The following ZNF654 variants were observed in gnomAD, a reference collection of about 807,000 sequenced individuals.
The protein encoded by ZNF654 is melanoma-associated antigen.
A neutral mutation model predicts 95.3 loss-of-function variants in ZNF654; 19 were observed. That is an observed-to-expected ratio of 0.20 (90% CI 0.14 to 0.29). ZNF654 has a LOEUF of 0.29. Ranked by LOEUF, ZNF654 falls within the 10% of genes least tolerant of loss-of-function variation. The pLI, the probability that ZNF654 is intolerant of heterozygous loss-of-function variation, is 1.00. For missense variants in ZNF654, 1,046 were observed against 1,341.0 expected (o/e 0.78, Z 3.44); for synonymous variants, 413 against 457.9 (o/e 0.90, Z 1.25).
At chr3:88,137,194 CAAAAAAAAAAA>C (rs11401199) in intron 7 of ZNF654, among the ~76,000 whole-genome samples, 5 of 70,724 alleles carry the variant, frequency 7.1e-5, no homozygotes, top group African/African-American at 1.3e-4. Context: ...GACTCTGTCT[CAAAAAAAAAAA>C]AAAAAAAAAA....
intron 1 of ZNF654, 145 bp downstream of exon 1, chr3:88,059,650 C>A: frequency 8.0e-7 from 1 of 1,256,504 alleles, no homozygotes; most frequent in Non-Finnish European, 1.0e-6. Context: ...CCCTCCTCCA[C>A]TTATCCGGCT....
chr3:88,109,305 A>G (rs1704946284), intron 2 of ZNF654, among the ~76,000 whole-genome samples: 1 of 152,126 alleles, frequency 6.6e-6, no homozygotes, highest in Non-Finnish European at 1.5e-5. Flanking sequence ...GCTCTTTGTT[A>G]CTAAGTAGGA....
At chr3:88,128,767 C>A (rs1274911121) in intron 4 of ZNF654, 42 bp from the exon 5 acceptor site, 1 of 1,373,212 alleles carries the variant, frequency 7.3e-7, no homozygotes, top group Non-Finnish European at 9.8e-7. Flanking sequence ...TTGAGAGAAT[C>A]TTTTCTTGAG....
At chr3:88,098,558 T>A (rs1241077944) in intron 2 of ZNF654, among the ~76,000 whole-genome samples, 1 of 152,178 alleles carries the variant, frequency 6.6e-6, no homozygotes, top group Non-Finnish European at 1.5e-5. Flanking sequence ...ATACCCTTGA[T>A]GAACATTGAT....
intron 4 of ZNF654, among the ~76,000 whole-genome samples, chr3:88,127,539 G>A (rs1466532011): frequency 6.6e-6 from 1 of 152,150 alleles, no homozygotes; most frequent in Non-Finnish European, 1.5e-5. Flanking sequence ...GAAGGCAAGG[G>A]TGACAGACTA....
rs1707153751 is a variant in ZNF654, at chr3:88,141,953, A to G, written c.*301A>G. 3 of 250,510 alleles carry G rather than the reference A, an allele frequency of 1.2e-5. No homozygotes were observed. Among genetic ancestry groups the G allele is most frequent in the African/African-American group, 2.2e-5 (1 of 44,882 alleles). The allele number at this position is 250,510 out of a possible 1,614,324, so 15.5% of individuals were successfully genotyped here. On this transcript the variant is annotated 3_prime_UTR_variant, in exon 9 of 9. Transcript: ENST00000636215. ...CTTATATGAGAAACATGTTTAGGCA[A>G]CTAGTCAGAAAACCAGCTATGGCCT...
Position 88,059,446 on chromosome 3 carries a change from G to T in ZNF654, c.127G>T (p.Gly43Cys), listed in dbSNP as rs747122309. ...CGACGGCAGAGGCGGCGCTGGCAGC[G>T]GCAACTGCGGCGGCGGCGTCGGAAT... ...AGDGRGGAGS[G>C]NCGGGVGISS... is the part of the protein sequence containing the mutation. Residue 43 changes from glycine to cysteine, a missense_variant, in exon 1 of 9, where the codon GGC (glycine) becomes TGC (cysteine). By Grantham distance (159) the Gly-to-Cys change is radical. Coordinates refer to ENST00000636215, the MANE Select transcript of ZNF654 (RefSeq NM_001350134.2). 1.3e-6 allele frequency: 2 copies of T among 1,520,842 alleles called. No individual in the cohort carries two copies. Among genetic ancestry groups the T allele is most frequent in the Non-Finnish European group, 1.8e-6 (2 of 1,141,752 alleles). The allele number at this position is 1,520,842 out of a possible 1,614,324, so 94.2% of individuals were successfully genotyped here.
At position 88,073,511 on chromosome 3, in the gene ZNF654, G is replaced by A. The variant is rs1576206346; in HGVS notation, c.187-12746G>A. ...GAAGTATCCCAGAAAAGGAATTGAG[G>A]GCCTGGCTGAATAAGTGGCTGGAAC... On this transcript the variant is annotated intron_variant, in intron 1 of 8. Transcript: ENST00000636215. Among the ~76,000 whole-genome samples the A allele has an allele frequency of 3.3e-5, 5 of 152,016 alleles. No homozygotes were observed. In the East Asian group the frequency reaches 9.6e-4, roughly 29 times the overall value.
chr3:88,087,405 G>A (rs1206989721), intron 2 of ZNF654, among the ~76,000 whole-genome samples: 5 of 152,292 alleles, frequency 3.3e-5, no homozygotes, highest in South Asian at 2.1e-4. Context: ...AATGCTTATA[G>A]AGAACTTCAA....
At position 88,138,876 on chromosome 3, in the gene ZNF654, C is replaced by A; in HGVS notation, c.1207C>A (p.Arg403Ser). 1.6e-6 allele frequency: 2 copies of A among 1,231,994 alleles called. No homozygotes were observed. Among genetic ancestry groups the A allele is most frequent in the Non-Finnish European group, 2.0e-6 (2 of 987,922 alleles). The allele number at this position is 1,231,994 out of a possible 1,614,324, so 76.3% of individuals were successfully genotyped here. The change falls in exon 8 of 9, where the codon CGC becomes AGC. Residue 403 changes from arginine to serine, a missense_variant. Arg to Ser is a moderately radical substitution (Grantham distance 110). Coordinates refer to ENST00000636215, the MANE Select transcript of ZNF654 (RefSeq NM_001350134.2). Reference sequence around the variant, plus strand: ...TGCACTCTCAATATTTTTTCTGGAGCGCTCCTTAGAAGCGTATCGTACTGT... The same window carrying A: ...TGCACTCTCAATATTTTTTCTGGAGAGCTCCTTAGAAGCGTATCGTACTGT... ...ICALSIFFLE[R>S]SLEAYRTVEE...
Position 88,140,137 on chromosome 3 carries a change from A to G in ZNF654, c.2468A>G (p.Asn823Ser), listed in dbSNP as rs1367962313. 6.2e-7 allele frequency: 1 copy of G among 1,613,912 alleles called. No homozygotes were observed. Among genetic ancestry groups the G allele is most frequent in the South Asian group, 1.1e-5 (1 of 91,078 alleles). Reference sequence around the variant, plus strand: ...TATTTTTGTTTGCATTTTAATTGCAACGAGTCGTTTAAGCTGCCGTTCCAG... The same window carrying G: ...TATTTTTGTTTGCATTTTAATTGCAGCGAGTCGTTTAAGCTGCCGTTCCAG... ...NVYFCLHFNC[N>S]ESFKLPFQLA... The change falls in exon 8 of 9, where the codon AAC becomes AGC. Residue 823 changes from asparagine to serine, a missense_variant. Asn to Ser is a conservative substitution (Grantham distance 46, BLOSUM62 1). Around this residue, in one of 9 missense-constraint regions of ZNF654, gnomAD observed 495 missense variants for 537.0 expected, o/e 0.92. Transcript: ENST00000636215.
intron 1 of ZNF654, among the ~76,000 whole-genome samples, chr3:88,071,518 C>T (rs1201149314): frequency 1.3e-5 from 2 of 152,138 alleles, no homozygotes; most frequent in African/African-American, 2.4e-5. Context: ...CGGTAGCGGG[C>T]GCCTGTAGTC....
intron 1 of ZNF654, among the ~76,000 whole-genome samples, chr3:88,066,734 G>A (rs1707222296): frequency 1.3e-5 from 2 of 152,048 alleles, no homozygotes; most frequent in South Asian, 4.1e-4. Flanking sequence ...TGTTGTTACT[G>A]GCACTGAATT....
At chr3:88,088,027 CA>C (rs1708428436) in intron 2 of ZNF654, among the ~76,000 whole-genome samples, 1 of 152,154 alleles carries the variant, frequency 6.6e-6, no homozygotes, top group African/African-American at 2.4e-5. Flanking sequence ...CTACAAAATC[CA>C]AAACCTGAAA....
chr3:88,101,030 A>G (rs924045417), intron 2 of ZNF654, among the ~76,000 whole-genome samples: 5 of 152,212 alleles, frequency 3.3e-5, no homozygotes, highest in African/African-American at 1.2e-4. Context: ...ACTATCACCT[A>G]GCTTCAACAG....
At chr3:88,106,296 C>T (rs1170165983) in intron 2 of ZNF654, among the ~76,000 whole-genome samples, 36 of 151,916 alleles carry the variant, frequency 2.4e-4, no homozygotes, top group Non-Finnish European at 4.9e-4. Context: ...GATGTTAAGC[C>T]CTTCCTGTGC....
intron 2 of ZNF654, among the ~76,000 whole-genome samples, chr3:88,091,549 T>C (rs530253103): frequency 6.6e-6 from 1 of 152,308 alleles, no homozygotes; most frequent in African/African-American, 2.4e-5. Flanking sequence ...GTTTAAAATG[T>C]CATTTATTGA....
rs189968787 is a variant in ZNF654 at position 88,116,386 on chromosome 3, G to A, written c.414+3190G>A. Among the ~76,000 whole-genome samples, 6 of 151,988 alleles carry A rather than the reference G, an allele frequency of 3.9e-5. No homozygotes were observed. In the East Asian group the frequency reaches 9.7e-4, roughly 25 times the overall value. ...AAATACAAAATTAGCAGGTCGTGGC[G>A]GCTCATGCCTGTAATCCCAGCTACT... On this transcript the variant is annotated intron_variant, in intron 3 of 8. Transcript: ENST00000636215.
chr3:88,097,790 C>CA lies in ZNF654; in HGVS notation c.332+11391dup, dbSNP rs998403852. ...AGATGTTCTTTGAAACCAATGAGAA[C>CA]AAAGACACAACATAACAGAATATCT... is the stretch of plus-strand genomic sequence containing the variant. On this transcript the variant is annotated intron_variant, in intron 2 of 8. Coordinates refer to ENST00000636215, the MANE Select transcript of ZNF654 (RefSeq NM_001350134.2). Among the ~76,000 whole-genome samples the CA allele has an allele frequency of 7.2e-5, 11 of 152,178 alleles. No individual in the cohort carries two copies. The South Asian group carries it at 1.2e-3, about 17-fold the overall frequency.
Sources: allele counts gnomAD v4.1 joint callset (sites outside exome capture counted in the v4.1 genomes callset), GRCh38; gene constraint gnomAD v4.1.1; regional missense constraint gnomAD v4.1.1; transcripts MANE v1.5; gene names NCBI Gene and HGNC (gene_info 2026-07-23, HGNC 2026-07-21).